LRP2: variants seen among roughly 807,000 people sequenced by gnomAD.
LRP2 encodes LDL receptor related protein 2.
A neutral mutation model predicts 531.0 loss-of-function variants in LRP2; 172 were observed. The observed-to-expected ratio is 0.32, with a 90% confidence interval of 0.29 to 0.37. LRP2 has a LOEUF of 0.37. Ranked by LOEUF, LRP2 falls within the 10% of genes least tolerant of loss-of-function variation. LRP2 has a pLI of 1.00. For missense variants in LRP2, 5,167 were observed against 5,868.3 expected, an observed-to-expected ratio of 0.88 and a Z score of 3.90; for synonymous variants, 1,992 against 2,027.6, an observed-to-expected ratio of 0.98 and a Z score of 0.47.
chr2:169,192,654 G>A (rs371108042), intron 47 of LRP2, among the ~76,000 whole-genome samples: 1 of 152,328 alleles, frequency 6.6e-6, no homozygotes, highest in East Asian at 1.9e-4. Flanking sequence ...TATGAGGAAA[G>A]AGGTGAGATG....
chr2:169,343,471 G>A (rs1253987335), intron 1 of LRP2, among the ~76,000 whole-genome samples: 1 of 152,202 alleles, frequency 6.6e-6, no homozygotes, highest in African/African-American at 2.4e-5. Context: ...AACTATGAAT[G>A]ATTTAATATC....
At chr2:169,195,532 G>T (rs983901624) in intron 46 of LRP2, among the ~76,000 whole-genome samples, 1 of 151,756 alleles carries the variant, frequency 6.6e-6, no homozygotes, top group Admixed American at 6.6e-5. Context: ...ACTACAATGA[G>T]GATATATTCA....
intron 33 of LRP2, among the ~76,000 whole-genome samples, chr2:169,222,695 A>G (rs912305893): frequency 6.6e-6 from 1 of 152,250 alleles, no homozygotes; most frequent in Non-Finnish European, 1.5e-5. Context: ...ATCTGAAAAT[A>G]GAACAATTAT....
Position 169,289,150 on chromosome 2 carries a change from A to T in LRP2, c.923-5T>A. 6.2e-7 allele frequency: 1 copy of T among 1,613,996 alleles called. No homozygotes were observed. Among genetic ancestry groups the T allele is most frequent in the Non-Finnish European group, 8.5e-7 (1 of 1,179,920 alleles). On this transcript the variant is annotated splice_polypyrimidine_tract_variant and splice_region_variant and intron_variant, in intron 8 of 78. Coordinates refer to ENST00000649046, the MANE Select transcript of LRP2 (RefSeq NM_004525.3). ...AGGCAGAGCACAGAGTCATACCTAA[A>T]CGAAGAAAAGAACTTTGTTAAATGA...
chr2:169,325,640 AC>A (rs1287571531), intron 1 of LRP2, among the ~76,000 whole-genome samples: 1 of 152,172 alleles, frequency 6.6e-6, no homozygotes, highest in East Asian at 1.9e-4. Flanking sequence ...GGAGCACTCT[AC>A]CCTGTCTAGT....
intron 7 of LRP2, 147 bp downstream of exon 7, chr2:169,292,106 A>T: frequency 1.4e-6 from 1 of 693,398 alleles, no homozygotes; most frequent in Non-Finnish European, 2.6e-6. Flanking sequence ...TTCCCCACCC[A>T]CTAAGTTCCT....
intron 1 of LRP2, among the ~76,000 whole-genome samples, chr2:169,326,572 C>T (rs533179720): frequency 6.6e-6 from 1 of 152,198 alleles, no homozygotes; most frequent in Admixed American, 6.5e-5. Context: ...GCTACAACCT[C>T]CATCTCCCAG....
chr2:169,178,112 T>C (rs1687277691), intron 52 of LRP2, 86 bp from the exon 53 acceptor site: 4 of 983,972 alleles, frequency 4.1e-6, no homozygotes, highest in Non-Finnish European at 6.4e-6. Flanking sequence ...CACAAATCAA[T>C]AAAATTCTAC....
In LRP2 at chr2:169,185,623, T is replaced by C; in HGVS notation, c.9725A>G (p.Tyr3242Cys). ...GACTTGCCTCTGTGTATCAATCCAA[T>C]ACAATCTCTTCTCTACTCGGTCAAA... The part of the protein sequence containing the change: ...LDFDRVEKRL[Y>C]WIDTQRQVIE... Residue 3242 changes from tyrosine to cysteine, a missense_variant, in exon 50 of 79, where the codon TAT becomes TGT. Around this residue, in one of 6 missense-constraint regions of LRP2, gnomAD observed 1,129 missense variants for 1,362.7 expected, o/e 0.83. Coordinates refer to ENST00000649046, the MANE Select transcript of LRP2 (RefSeq NM_004525.3). The C allele has an allele frequency of 6.2e-7, 1 of 1,614,210 alleles. No individual in the cohort carries two copies. The highest frequency in any genetic ancestry group is 8.5e-7 in the Non-Finnish European group (1 of 1,180,026).
intron 34 of LRP2, among the ~76,000 whole-genome samples, chr2:169,217,129 T>C (rs1244363335): frequency 6.6e-6 from 1 of 152,184 alleles, no homozygotes; most frequent in Non-Finnish European, 1.5e-5. Flanking sequence ...TATTAAGGGC[T>C]GTTTTCCATT....
At position 169,146,892 on chromosome 2, in the gene LRP2, G is replaced by T; in HGVS notation, c.12658C>A (p.Arg4220Ser). ...AGGTCCTCGAAAACCAGGATGTTGC[G>T]GTCCTCTCCATTCATCCAGGCAGAC... ...IESAWMNGED[R>S]NILVFEDLGW... The change falls in exon 69 of 79, where the codon CGC becomes AGC. Residue 4220 changes from arginine (R) to serine (S), a missense_variant. Around this residue, in one of 6 missense-constraint regions of LRP2, gnomAD observed 564 missense variants for 747.7 expected, o/e 0.75. Coordinates refer to ENST00000649046, the MANE Select transcript of LRP2 (RefSeq NM_004525.3). The T allele has an allele frequency of 6.2e-7, 1 of 1,614,044 alleles. No individual in the cohort carries two copies. Among genetic ancestry groups the T allele is most frequent in the Non-Finnish European group, 8.5e-7 (1 of 1,179,998 alleles).
intron 34 of LRP2, among the ~76,000 whole-genome samples, chr2:169,217,601 C>T (rs1688845455): frequency 6.6e-6 from 1 of 152,016 alleles, no homozygotes; most frequent in Admixed American, 6.6e-5. Context: ...TCTTTCTCCT[C>T]TCCCATTTCA....
chr2:169,167,505 C>G (rs564357675), intron 61 of LRP2, among the ~76,000 whole-genome samples: 3 of 152,052 alleles, frequency 2.0e-5, no homozygotes, highest in Non-Finnish European at 2.9e-5. Context: ...ATTTGAGGGG[C>G]CTGTTAATGT....
At chr2:169,295,493 A>G (rs1192553859) in intron 4 of LRP2, among the ~76,000 whole-genome samples, 2 of 152,188 alleles carry the variant, frequency 1.3e-5, no homozygotes, top group African/African-American at 4.8e-5. Context: ...ATAACGTGCT[A>G]TCTGTCCCTC....
chr2:169,155,355 A>G (rs1239032312), intron 65 of LRP2, among the ~76,000 whole-genome samples: 3 of 152,206 alleles, frequency 2.0e-5, no homozygotes, highest in African/African-American at 7.2e-5. Context: ...CATTTAAAAA[A>G]TTGCTGCTTA....
intron 49 of LRP2, among the ~76,000 whole-genome samples, chr2:169,186,830 G>C: frequency 6.6e-6 from 1 of 152,112 alleles, no homozygotes; most frequent in East Asian, 1.9e-4. Flanking sequence ...TTTGAATTAT[G>C]TACTATTGAG....
chr2:169,276,007 T>C (rs957488463), intron 13 of LRP2, among the ~76,000 whole-genome samples: 4 of 151,976 alleles, frequency 2.6e-5, no homozygotes, highest in African/African-American at 9.7e-5. Flanking sequence ...TTTTCTTTAT[T>C]TTGGCGTAAT....
In LRP2 at chr2:169,318,785, C is replaced by T. The variant is rs1203496853; in HGVS notation, c.287G>A (p.Gly96Asp). ...ACAGCAATCTTGACGTTCATCTGAGCCATCATCACAGTCTTGATCTTGGTC... is the reference window on the plus strand; with the variant it reads ...ACAGCAATCTTGACGTTCATCTGAGTCATCATCACAGTCTTGATCTTGGTC... ...VCDQDQDCDD[G>D]SDERQDCSQS... Residue 96 changes from glycine to aspartate, a missense_variant, in exon 3 of 79, where the codon GGC (glycine) becomes GAC (aspartate). Around this residue, in one of 6 missense-constraint regions of LRP2, gnomAD observed 2,811 missense variants for 3,058.0 expected, o/e 0.92. Coordinates refer to ENST00000649046, the MANE Select transcript of LRP2 (RefSeq NM_004525.3). The T allele has an allele frequency of 6.2e-7, 1 of 1,614,126 alleles. No individual in the cohort carries two copies. The highest frequency in any genetic ancestry group is 8.5e-7 in the Non-Finnish European group (1 of 1,179,998).
intron 1 of LRP2, among the ~76,000 whole-genome samples, chr2:169,356,254 C>T (rs1685983759): frequency 6.6e-6 from 1 of 152,170 alleles, no homozygotes; most frequent in South Asian, 2.1e-4. Context: ...AGTTTTGTGA[C>T]ATTCACCAAC....
Sources: allele counts gnomAD v4.1 joint callset (sites outside exome capture counted in the v4.1 genomes callset), GRCh38; gene constraint gnomAD v4.1.1; regional missense constraint gnomAD v4.1.1; transcripts MANE v1.5; gene names NCBI Gene and HGNC (gene_info 2026-07-23, HGNC 2026-07-21).